The following ATP9B variants were observed in gnomAD, a reference collection of about 807,000 sequenced individuals.
The protein encoded by ATP9B is ATPase phospholipid transporting 9B.
In ATP9B, 110 loss-of-function variants were observed where a neutral mutation model predicts 146.1. The ratio of observed to expected loss-of-function variants is 0.75; its 90% CI spans 0.65 to 0.88. The LOEUF (loss-of-function observed/expected upper bound fraction) is 0.88, where lower values mean the gene tolerates loss of function less well. Among genes scored for constraint, ATP9B ranks in the 40% least tolerant of loss-of-function variants. ATP9B has a pLI of 0.00. For synonymous variants in ATP9B, 604 were observed against 569.7 expected (o/e 1.06, Z -0.86); for missense variants, 1,499 against 1,496.4 (o/e 1.00, Z -0.03).
intron 5 of ATP9B, among the ~76,000 whole-genome samples, chr18:79,128,050 G>GA (rs2094315491): frequency 2.2e-5 from 3 of 139,506 alleles, no homozygotes; most frequent in African/African-American, 8.1e-5. Flanking sequence ...ATCCTTTGCC[G>GA]ACTTTTTTTT....
intron 15 of ATP9B, chr18:79,307,446 A>T (rs2096625928): frequency 1.6e-6 from 1 of 618,992 alleles, no homozygotes; most frequent in Non-Finnish European, 2.7e-6. Flanking sequence ...TGCGGCCGCC[A>T]CATCTCGGCA....
intron 7 of ATP9B, among the ~76,000 whole-genome samples, chr18:79,161,845 C>CA (rs1181399729): frequency 4.7e-5 from 7 of 150,072 alleles, no homozygotes; most frequent in East Asian, 2.0e-4. Flanking sequence ...GACTCCGTCT[C>CA]AAAAAAAAAG....
At position 79,138,105 on chromosome 18, in the gene ATP9B, A is replaced by G. The variant is rs534462783; in HGVS notation, c.668-5697A>G. Among the ~76,000 whole-genome samples, 14 of 152,328 alleles carry G rather than the reference A, an allele frequency of 9.2e-5. No homozygotes were observed. In the East Asian group the frequency reaches 1.9e-3, roughly 21 times the overall value. ...GCTTCTGTGGAGTGTTTTACAGCCT[A>G]GAGTAGTAATGCCATCTACATCATA... On this transcript the variant is annotated intron_variant, in intron 5 of 29. Transcript: ENST00000426216.
At chr18:79,168,504 C>T (rs184077536) in intron 7 of ATP9B, among the ~76,000 whole-genome samples, 1 of 151,894 alleles carries the variant, frequency 6.6e-6, no homozygotes, top group African/African-American at 2.4e-5. Context: ...TTAGATGGAC[C>T]TAATCATGGC....
chr18:79,125,012 G>A (rs986952554), intron 4 of ATP9B, among the ~76,000 whole-genome samples: 2 of 152,200 alleles, frequency 1.3e-5, no homozygotes, highest in Non-Finnish European at 2.9e-5. Flanking sequence ...GAATTGGAAA[G>A]AGGGCCTGGT....
At chr18:79,346,874 T>C (rs1055970385) in intron 23 of ATP9B, among the ~76,000 whole-genome samples, 1 of 152,268 alleles carries the variant, frequency 6.6e-6, no homozygotes, top group Admixed American at 6.5e-5. Context: ...GGCACTGAAC[T>C]GTACATTTGA....
intron 2 of ATP9B, among the ~76,000 whole-genome samples, chr18:79,109,564 C>CTTT (rs34940699): frequency 7.7e-6 from 1 of 129,866 alleles, no homozygotes. Context: ...ATTGAGCTGT[C>CTTT]TTTTTTTTTT....
At chr18:79,276,242 T>G (rs190048099) in intron 12 of ATP9B, among the ~76,000 whole-genome samples, 16 of 152,344 alleles carry the variant, frequency 1.1e-4, no homozygotes, top group Admixed American at 9.1e-4. Flanking sequence ...TCTGTAGGTT[T>G]CCAGGCCTAC....
At chr18:79,323,393 A>T (rs1432139767) in intron 15 of ATP9B, among the ~76,000 whole-genome samples, 1 of 152,038 alleles carries the variant, frequency 6.6e-6, no homozygotes, top group Non-Finnish European at 1.5e-5. Context: ...CTTCTATCCG[A>T]CTGTATTTTT....
intron 11 of ATP9B, among the ~76,000 whole-genome samples, chr18:79,218,290 G>A (rs1304251864): frequency 1.3e-5 from 2 of 148,436 alleles, no homozygotes; most frequent in Non-Finnish European, 3.0e-5. Context: ...CGTGTCTGAC[G>A]CAGGCTGGCA....
intron 7 of ATP9B, among the ~76,000 whole-genome samples, chr18:79,157,322 G>C (rs1341892706): frequency 6.9e-6 from 1 of 144,814 alleles, no homozygotes; most frequent in Non-Finnish European, 1.5e-5. Flanking sequence ...CTTGAACCTG[G>C]GAGGCATAGG....
intron 1 of ATP9B, among the ~76,000 whole-genome samples, chr18:79,084,267 A>G (rs2073591639): frequency 6.6e-6 from 1 of 152,002 alleles, no homozygotes; most frequent in Admixed American, 6.6e-5. Flanking sequence ...TACCCCGGGT[A>G]TGAGTACCCC....
chr18:79,246,351 C>G (rs1387339345), intron 11 of ATP9B, among the ~76,000 whole-genome samples: 1 of 151,328 alleles, frequency 6.6e-6, no homozygotes, highest in Admixed American at 6.6e-5. Flanking sequence ...GTGCGGAGGG[C>G]ACCGCCCTAC....
chr18:79,220,124 G>T (rs950019428), intron 11 of ATP9B, among the ~76,000 whole-genome samples: 1 of 152,210 alleles, frequency 6.6e-6, no homozygotes, highest in Non-Finnish European at 1.5e-5. Flanking sequence ...GGTCGTGATG[G>T]TGGATGGCAG....
At chr18:79,173,450 AAAAGTTTTACATTG>A (rs1338208253) in intron 7 of ATP9B, among the ~76,000 whole-genome samples, 1 of 146,304 alleles carries the variant, frequency 6.8e-6, no homozygotes, top group Non-Finnish European at 1.5e-5. Context: ...TTTTTGTCCT[AAAAGTTTTACATTG>A]AGATCTGTGG....
At chr18:79,351,813 G>A (rs1235162859) in intron 25 of ATP9B, among the ~76,000 whole-genome samples, 3 of 152,008 alleles carry the variant, frequency 2.0e-5, no homozygotes, top group African/African-American at 4.8e-5. Context: ...AGGTGGTGAT[G>A]GGGAAGCCTA....
At chr18:79,327,563 T>C (rs1323525235) in intron 15 of ATP9B, among the ~76,000 whole-genome samples, 45 of 130,476 alleles carry the variant, frequency 3.4e-4, no homozygotes, top group African/African-American at 1.3e-3. Flanking sequence ...TAGCGTGCTC[T>C]CCGTGGTTAG....
chr18:79,073,154 CG>C (rs1568358392), intron 1 of ATP9B, among the ~76,000 whole-genome samples: 1 of 151,042 alleles, frequency 6.6e-6, no homozygotes, highest in Admixed American at 6.6e-5. Context: ...ACTGGGAGGC[CG>C]GGCAGACGGG....
intron 7 of ATP9B, among the ~76,000 whole-genome samples, chr18:79,166,926 C>T (rs1046917195): frequency 6.6e-6 from 1 of 151,746 alleles, no homozygotes; most frequent in African/African-American, 2.4e-5. Context: ...GATCTGGCCA[C>T]TGCACACAGC....
Sources: gnomAD v4.1 joint callset for allele counts (sites outside exome capture counted in the v4.1 genomes callset) on GRCh38, gnomAD v4.1.1 for gene constraint, MANE v1.5 for transcripts, NCBI Gene and HGNC (gene_info 2026-07-23, HGNC 2026-07-21) for gene names.